ADAMTS12: variants seen among roughly 807,000 people sequenced by gnomAD.
ADAMTS12 encodes ADAM metallopeptidase with thrombospondin type 1 motif 12.
A neutral mutation model predicts 167.8 loss-of-function variants in ADAMTS12; 118 were observed. The ratio of observed to expected loss-of-function variants is 0.70; its 90% CI spans 0.61 to 0.82. The LOEUF is 0.82. Among genes scored for constraint, ADAMTS12 ranks in the 40% least tolerant of loss-of-function variants. ADAMTS12 has a pLI of 0.00. For synonymous variants in ADAMTS12, 704 were observed against 716.9 expected, an observed-to-expected ratio of 0.98 and a Z score of 0.29; for missense variants, 1,916 against 1,998.8, an observed-to-expected ratio of 0.96 and a Z score of 0.79.
chr5:33,634,501 T>C (rs796568758), intron 12 of ADAMTS12, among the ~76,000 whole-genome samples: 27 of 152,248 alleles, frequency 1.8e-4, no homozygotes, highest in African/African-American at 6.5e-4. Context: ...AAATGTTTTA[T>C]TGATGCAAGA....
At position 33,527,354 on chromosome 5, in the gene ADAMTS12, G is replaced by C. The variant is rs760776629; in HGVS notation, c.4619C>G (p.Thr1540Ser). 1.9e-6 allele frequency: 3 copies of C among 1,613,826 alleles called. No individual in the cohort carries two copies. The highest frequency in any genetic ancestry group is 1.3e-5 in the African/African-American group (1 of 74,896). ...GAAACTGGCTGACAGTTTGTCCTTA[G>C]TGCAAAGTAAATCTGTGGAAGGAGA... is the stretch of plus-strand genomic sequence containing the variant. ...ACKKSADLLC[T>S]KDKLSASFCQ... is the part of the protein sequence containing the mutation. Residue 1540 changes from threonine (T) to serine (S), a missense_variant, in exon 24 of 24, where the codon ACT becomes AGT. Coordinates refer to ENST00000504830, the MANE Select transcript of ADAMTS12 (RefSeq NM_030955.4).
chr5:33,589,596 CT>C (rs1410495228), intron 17 of ADAMTS12, among the ~76,000 whole-genome samples: 1 of 152,174 alleles, frequency 6.6e-6, no homozygotes, highest in Non-Finnish European at 1.5e-5. Context: ...TCTTGTCCAT[CT>C]TCTCCATTAT....
chr5:33,758,555 G>C (rs186962206), intron 2 of ADAMTS12, among the ~76,000 whole-genome samples: 7 of 152,244 alleles, frequency 4.6e-5, no homozygotes, highest in African/African-American at 1.7e-4. Context: ...TTCGCGCAAG[G>C]GGGTAAAGGG....
In ADAMTS12 at chr5:33,648,815, C is replaced by T; in HGVS notation, c.1479+7G>A. 2 of 1,614,004 alleles carry T rather than the reference C, an allele frequency of 1.2e-6. No individual in the cohort carries two copies. The highest frequency in any genetic ancestry group is 1.7e-6 in the Non-Finnish European group (2 of 1,179,914). On this transcript the variant is annotated splice_region_variant and intron_variant, in intron 9 of 23. Coordinates refer to ENST00000504830, the MANE Select transcript of ADAMTS12 (RefSeq NM_030955.4). ...CCCTGCATATAGCCACCAAGAGGTA[C>T]ACTTACTTCTACTTCCTGGCAGAAG...
At chr5:33,820,568 G>A (rs1245837438) in intron 2 of ADAMTS12, among the ~76,000 whole-genome samples, 4 of 152,164 alleles carry the variant, frequency 2.6e-5, no homozygotes, top group African/African-American at 9.7e-5. Context: ...GGTTTTGACT[G>A]AGAGAAGAAA....
At chr5:33,695,938 T>A (rs1742740286) in intron 3 of ADAMTS12, among the ~76,000 whole-genome samples, 1 of 152,184 alleles carries the variant, frequency 6.6e-6, no homozygotes, top group African/African-American at 2.4e-5. Context: ...ATGGTGGATG[T>A]CAAATTGAAT....
intron 3 of ADAMTS12, among the ~76,000 whole-genome samples, chr5:33,694,369 T>G (rs1742674796): frequency 6.6e-6 from 1 of 152,200 alleles, no homozygotes. Flanking sequence ...CCTATATAAT[T>G]ACTGAGAAAT....
chr5:33,590,948 G>A (rs1747603798), intron 17 of ADAMTS12, among the ~76,000 whole-genome samples: 1 of 150,680 alleles, frequency 6.6e-6, no homozygotes, highest in Non-Finnish European at 1.5e-5. Flanking sequence ...CAGGGCTCAG[G>A]AGCCATGGTC....
At chr5:33,823,619 T>G (rs1316176901) in intron 2 of ADAMTS12, among the ~76,000 whole-genome samples, 1 of 149,348 alleles carries the variant, frequency 6.7e-6, no homozygotes, top group Non-Finnish European at 1.5e-5. Flanking sequence ...CTGGCCCAGC[T>G]GGCATAAAAG....
chr5:33,768,003 T>C (rs1745601037), intron 2 of ADAMTS12, among the ~76,000 whole-genome samples: 1 of 152,114 alleles, frequency 6.6e-6, no homozygotes, highest in South Asian at 2.1e-4. Flanking sequence ...AATCAGTAGA[T>C]AAACCAACAG....
intron 22 of ADAMTS12, among the ~76,000 whole-genome samples, chr5:33,544,396 T>C (rs1453154978): frequency 8.5e-5 from 13 of 152,216 alleles, no homozygotes. Flanking sequence ...TCCATACTCA[T>C]GGATAGGAAG....
intron 7 of ADAMTS12, among the ~76,000 whole-genome samples, chr5:33,655,292 T>C (rs939254060): frequency 2.6e-5 from 4 of 152,132 alleles, no homozygotes; most frequent in Non-Finnish European, 5.9e-5. Context: ...CCAATTAGAC[T>C]GCTCTGCTGA....
chr5:33,831,283 A>G (rs1005071918), intron 2 of ADAMTS12, among the ~76,000 whole-genome samples: 1 of 152,224 alleles, frequency 6.6e-6, no homozygotes, highest in Admixed American at 6.5e-5. Flanking sequence ...GCATATAGAG[A>G]TTGAATATCT....
chr5:33,545,480 A>G (rs571584563), intron 22 of ADAMTS12, among the ~76,000 whole-genome samples: 1 of 152,342 alleles, frequency 6.6e-6, no homozygotes, highest in South Asian at 2.1e-4. Flanking sequence ...AGAACTAGAA[A>G]TACCATTTGA....
intron 2 of ADAMTS12, among the ~76,000 whole-genome samples, chr5:33,811,694 T>C (rs1478531880): frequency 6.6e-6 from 1 of 152,204 alleles, no homozygotes; most frequent in African/African-American, 2.4e-5. Flanking sequence ...TGGATGCCAC[T>C]GGAGGAGGCC....
At chr5:33,549,408 C>T (rs1307041970) in intron 20 of ADAMTS12, 25 bp from the exon 21 acceptor site, 5 of 1,596,822 alleles carry the variant, frequency 3.1e-6, no homozygotes, top group African/African-American at 1.3e-5. Flanking sequence ...AAATCAAAGG[C>T]GATCTCTGAG....
intron 3 of ADAMTS12, among the ~76,000 whole-genome samples, chr5:33,742,329 G>A (rs1207505007): frequency 2.8e-4 from 16 of 56,778 alleles, no homozygotes; most frequent in African/African-American, 9.2e-4. Flanking sequence ...TTCCTTCCCC[G>A]TAAAAAAAAA....
chr5:33,790,782 CATAT>C (rs10622464), intron 2 of ADAMTS12, among the ~76,000 whole-genome samples: 3,683 of 133,912 alleles, frequency 0.028, 45 homozygotes, highest in Non-Finnish European at 0.03. Flanking sequence ...GACATACAAA[CATAT>C]ATATATATAT....
chr5:33,776,671 G>A (rs1223212319), intron 2 of ADAMTS12, among the ~76,000 whole-genome samples: 1 of 151,746 alleles, frequency 6.6e-6, no homozygotes, highest in Non-Finnish European at 1.5e-5. Flanking sequence ...AGAAAAAAAG[G>A]AACAAATTAA....
Sources: gnomAD v4.1 joint callset for allele counts (sites outside exome capture counted in the v4.1 genomes callset) on GRCh38, gnomAD v4.1.1 for gene constraint, MANE v1.5 for transcripts, NCBI Gene and HGNC (gene_info 2026-07-23, HGNC 2026-07-21) for gene names.